MYO16: variants seen among roughly 807,000 people sequenced by gnomAD.
MYO16 encodes unconventional myosin-XVI.
In MYO16, 94 loss-of-function variants were observed where a neutral mutation model predicts 205.3. The ratio of observed to expected loss-of-function variants is 0.46; its 90% CI spans 0.39 to 0.54. MYO16 has a LOEUF of 0.54. Among genes scored for constraint, MYO16 ranks in the 20% least tolerant of loss-of-function variants. MYO16 has a pLI of 0.00. For missense variants in MYO16, 2,315 were observed against 2,387.5 expected (o/e 0.97, Z 0.63); for synonymous variants, 988 against 954.0 (o/e 1.04, Z -0.66).
chr13:109,141,293 T>A lies in MYO16; in HGVS notation c.5081T>A (p.Leu1694Gln). The change falls in exon 32 of 35, where the codon CTG (leucine) becomes CAG (glutamine). Residue 1694 changes from leucine (L) to glutamine (Q), a missense_variant. By Grantham distance (113) the Leu-to-Gln change is moderately radical. This residue lies in a region of MYO16 where 1,097 missense variants were observed against 1,092.0 expected (regional missense o/e 1.00). Transcript: ENST00000457511. The surrounding 1 kb of genome is among the most constrained non-coding windows in gnomAD (Gnocchi z 4.1). ...AGCTCCAGGCCTCTCAGCAGCCCCC[T>A]GGACGAGCTCGCCAGCCTCTTCAAC... ...PPSSRPLSSP[L>Q]DELASLFNSG... is the part of the protein sequence containing the mutation. The A allele has an allele frequency of 6.3e-7, 1 of 1,596,620 alleles. No homozygotes were observed. Among genetic ancestry groups the A allele is most frequent in the South Asian group, 1.1e-5 (1 of 89,604 alleles).
At chr13:109,048,481 A>C (rs541233460) in intron 24 of MYO16, 25 of 531,422 alleles carry the variant, frequency 4.7e-5, no homozygotes, top group Non-Finnish European at 8.7e-5. Flanking sequence ...TGTTGCAGTT[A>C]CTCACCTCTG....
At chr13:109,000,787 TTA>T (rs1001706560) in intron 21 of MYO16, among the ~76,000 whole-genome samples, 95 of 150,122 alleles carry the variant, frequency 6.3e-4, no homozygotes, top group African/African-American at 2.3e-3. Context: ...AATAATTTTT[TTA>T]ATATGTGTTT....
At chr13:108,574,942 C>T in the MYO16 span, among the ~76,000 whole-genome samples, 1 of 151,624 alleles carries the variant, frequency 6.6e-6, no homozygotes, top group African/African-American at 2.4e-5. Context: ...TGTACTGACA[C>T]ACTCCAGTGT....
At chr13:108,886,836 C>T (rs772840887) in intron 13 of MYO16, among the ~76,000 whole-genome samples, 2 of 152,062 alleles carry the variant, frequency 1.3e-5, no homozygotes, top group Non-Finnish European at 2.9e-5. Context: ...CTTTCGGTAT[C>T]GCTAGTCCTG....
At chr13:108,560,934 G>T in the MYO16 span, among the ~76,000 whole-genome samples, 3 of 152,096 alleles carry the variant, frequency 2.0e-5, no homozygotes, top group Non-Finnish European at 2.9e-5. Flanking sequence ...GCACTCCATT[G>T]TTATAGAGTT....
chr13:108,595,573 C>T (rs184733639), upstream of MYO16, among the ~76,000 whole-genome samples: 45 of 152,336 alleles, frequency 3.0e-4, no homozygotes, highest in African/African-American at 1.1e-3. Context: ...CGCTCCCCTG[C>T]AGATGCTCAA....
intron 16 of MYO16, among the ~76,000 whole-genome samples, chr13:108,929,216 C>T (rs1882143832): frequency 6.6e-6 from 1 of 152,114 alleles, no homozygotes; most frequent in Non-Finnish European, 1.5e-5. Flanking sequence ...ACTTTTAAAT[C>T]TTCAAAGAAT....
chr13:109,007,353 A>C (rs372428420), intron 21 of MYO16, among the ~76,000 whole-genome samples: 55 of 151,548 alleles, frequency 3.6e-4, no homozygotes, highest in East Asian at 1.6e-3. Context: ...GCGCCACTGC[A>C]CTCCAGCCTG....
chr13:108,792,916 C>T (rs908243444), intron 5 of MYO16, among the ~76,000 whole-genome samples: 3 of 151,786 alleles, frequency 2.0e-5, no homozygotes, highest in Non-Finnish European at 4.4e-5. Context: ...TATTTGTTTC[C>T]ATTTAAGTAC....
intron 34 of MYO16, among the ~76,000 whole-genome samples, chr13:109,196,871 A>G (rs1012630976): frequency 3.3e-5 from 5 of 152,176 alleles, no homozygotes; most frequent in Admixed American, 1.3e-4. Flanking sequence ...AAAATTACAG[A>G]ATAACTAGCA....
the MYO16 span, among the ~76,000 whole-genome samples, chr13:108,556,970 T>A: frequency 1.3e-5 from 2 of 152,202 alleles, no homozygotes; most frequent in African/African-American, 4.8e-5. Flanking sequence ...CTGGGTTCTT[T>A]ATTTTGTTCC....
In MYO16 at chr13:108,968,294, T is replaced by G. The variant is rs181808995; in HGVS notation, c.2369+3392T>G. Among the ~76,000 whole-genome samples the G allele has an allele frequency of 1.8e-3, 267 of 152,284 alleles. 3 individuals are homozygous for G. The highest frequency in any genetic ancestry group is 0.016 in the Admixed American group (246 of 15,302). On this transcript the variant is annotated intron_variant, in intron 20 of 34. Transcript: ENST00000457511. Reference sequence around the variant, plus strand: ...TAGCACCCATTTCCATCTCTGATTCTTAATTGATTGAGGAATAAGACAATG... The same window carrying G: ...TAGCACCCATTTCCATCTCTGATTCGTAATTGATTGAGGAATAAGACAATG...
chr13:108,727,815 T>C (rs1884393209), intron 4 of MYO16, among the ~76,000 whole-genome samples: 1 of 152,238 alleles, frequency 6.6e-6, no homozygotes, highest in Non-Finnish European at 1.5e-5. Flanking sequence ...TGCCTTTCCT[T>C]GGGAATTATA....
chr13:108,887,123 G>A (rs1879938593), intron 13 of MYO16, among the ~76,000 whole-genome samples: 1 of 152,130 alleles, frequency 6.6e-6, no homozygotes, highest in South Asian at 2.1e-4. Flanking sequence ...CAAAACGCAA[G>A]TAGTCCTGGA....
chr13:108,740,738 G>A (rs1884878035), intron 4 of MYO16, among the ~76,000 whole-genome samples: 2 of 152,328 alleles, frequency 1.3e-5, no homozygotes, highest in South Asian at 4.1e-4. Context: ...CAGAGGTGGA[G>A]TCTACAAAGG....
rs78614614 is a variant in MYO16, at chr13:108,878,229, G to A, written c.1426-4830G>A. Reference sequence around the variant, plus strand: ...AATGGGAACAGATATTCCTGTTTTCGTGCCAAAAAGTTGCCTTTGGCCCAC... The same window carrying A: ...AATGGGAACAGATATTCCTGTTTTCATGCCAAAAAGTTGCCTTTGGCCCAC... On this transcript the variant is annotated intron_variant, in intron 12 of 34. Transcript: ENST00000457511. Among the ~76,000 whole-genome samples the A allele has an allele frequency of 9.4e-3, 1,434 of 152,076 alleles. 16 individuals carry two copies. The highest frequency in any genetic ancestry group is 0.031 in the African/African-American group (1,298 of 41,466).
At chr13:109,157,321 C>T (rs9559509) in intron 32 of MYO16, among the ~76,000 whole-genome samples, 31,131 of 151,034 alleles carry the variant, frequency 0.21, 3,878 homozygotes, top group East Asian at 0.44. Flanking sequence ...GAACCCAGTC[C>T]TGTGATGCTC....
rs775058030 is a variant in MYO16 at position 108,677,339 on chromosome 13, A to G, written c.292+11190A>G. On this transcript the variant is annotated intron_variant, in intron 2 of 34. Transcript: ENST00000457511. ...TGTGTGTGTGTGTGTGTGTGTGTAT[A>G]TATATATATATATATGCATATATAT... Among the ~76,000 whole-genome samples, 875 of 92,744 alleles carry G rather than the reference A, an allele frequency of 9.4e-3. 5 individuals are homozygous for G. The highest frequency in any genetic ancestry group is 0.016 in the African/African-American group (349 of 21,926). 60.8% of individuals were successfully genotyped at this position (92,744 alleles called of 152,430 possible).
At chr13:108,932,846 CCA>C (rs1364079734) in intron 16 of MYO16, among the ~76,000 whole-genome samples, 14 of 152,076 alleles carry the variant, frequency 9.2e-5, no homozygotes, top group Admixed American at 7.9e-4. Context: ...GCCAAAGTTC[CCA>C]CAGACACTGA....
Sources: gnomAD v4.1 joint callset for allele counts (sites outside exome capture counted in the v4.1 genomes callset) on GRCh38, gnomAD v4.1.1 for gene constraint, gnomAD v4.1.1 regional missense constraint, Gnocchi (gnomAD v3.1) non-coding constraint, MANE v1.5 for transcripts, NCBI Gene and HGNC (gene_info 2026-07-23, HGNC 2026-07-21) for gene names.